The following PIGZ variants were observed in gnomAD, a reference collection of about 807,000 sequenced individuals.
PIGZ encodes the protein GPI alpha-1,2-mannosyltransferase 4.
In PIGZ, 16 loss-of-function variants were observed where a neutral mutation model predicts 16.4. That is an observed-to-expected ratio of 0.97 (90% CI 0.66 to 1.48). The LOEUF (loss-of-function observed/expected upper bound fraction) is 1.48, where lower values mean the gene tolerates loss of function less well. Ranked by LOEUF, PIGZ falls within the 40% of genes most tolerant of loss-of-function variation. PIGZ has a pLI of 0.00. For synonymous variants in PIGZ, 409 were observed against 338.4 expected (o/e 1.21, Z -2.29); for missense variants, 770 against 739.2 (o/e 1.04, Z -0.48).
chr3:196,964,231 A>G (rs1717836079), intron 1 of PIGZ, among the ~76,000 whole-genome samples: 1 of 151,612 alleles, frequency 6.6e-6, no homozygotes, highest in South Asian at 2.1e-4. Context: ...TTGCATTTTT[A>G]GTAGAGACGA....
intron 2 of PIGZ, among the ~76,000 whole-genome samples, chr3:196,949,031 T>TTCCCTCCCCCTCCCC (rs1717144687): frequency 2.2e-5 from 1 of 46,482 alleles, no homozygotes. Context: ...CTTCCCTTCC[T>TTCCCTCCCCCTCCCC]TCCCTTCCTT....
At chr3:196,966,657 A>ACGACCCC (rs1237905134) in intron 1 of PIGZ, among the ~76,000 whole-genome samples, 1 of 152,154 alleles carries the variant, frequency 6.6e-6, no homozygotes, top group Non-Finnish European at 1.5e-5. Flanking sequence ...GCTCCAGGGA[A>ACGACCCC]CGACCCCCGC....
Position 196,947,444 on chromosome 3 carries a change from C to G in PIGZ, c.1453G>C (p.Val485Leu). The change falls in exon 3 of 3, where the codon GTG becomes CTG. Residue 485 changes from valine (V) to leucine (L), a missense_variant. Physicochemically the swap from Val to Leu is conservative, Grantham distance 32 (BLOSUM62 1). Transcript: ENST00000412723. ...LPGLGAPVEV[V>L]DMGGTEDWAL... ...CAGTCCTCAGTCCCCCCCATGTCCACCACCTCCACTGGTGCCCCCAGGCCT... is the reference window on the plus strand; with the variant it reads ...CAGTCCTCAGTCCCCCCCATGTCCAGCACCTCCACTGGTGCCCCCAGGCCT... The G allele has an allele frequency of 1.2e-6, 2 of 1,613,710 alleles. No homozygotes were observed. The highest frequency in any genetic ancestry group is 1.7e-6 in the Non-Finnish European group (2 of 1,180,004).
chr3:196,948,458 G>A lies in PIGZ; in HGVS notation c.439C>T (p.Leu147=), dbSNP rs1717039181. The stretch of plus-strand genomic sequence containing the variant: ...CGATCCGCCCCCATCGGCGGGGCCA[G>A]GTGGTACACGGCCCCGTCCAGAGCA... ...SFALDGAVYH[L]APPMGADRWN... Residue 147 remains leucine (L), a synonymous_variant, in exon 3 of 3, where the codon CTG becomes TTG. Coordinates refer to ENST00000412723, the MANE Select transcript of PIGZ (RefSeq NM_025163.4). The A allele has an allele frequency of 6.2e-7, 1 of 1,613,914 alleles. No homozygotes were observed. Among genetic ancestry groups the A allele is most frequent in the Non-Finnish European group, 8.5e-7 (1 of 1,179,990 alleles).
rs1425932755 is a variant in PIGZ at position 196,965,300 on chromosome 3, G to T, written c.-1+3387C>A. The stretch of plus-strand genomic sequence containing the variant: ...GGCACCTCTTCACAAGGTGGCAAGA[G>T]AGAGTGTGAGTGGAGGAAATGACGG... On this transcript the variant is annotated intron_variant, in intron 1 of 2. Transcript: ENST00000412723. The surrounding 1 kb of genome is among the most constrained non-coding windows in gnomAD (Gnocchi z 4.2). Among the ~76,000 whole-genome samples the T allele has an allele frequency of 6.6e-6, 1 of 152,206 alleles. No homozygotes were observed. Among genetic ancestry groups the T allele is most frequent in the Non-Finnish European group, 1.5e-5 (1 of 68,042 alleles).
chr3:196,965,172 C>G lies in PIGZ; in HGVS notation c.-1+3515G>C, dbSNP rs1263018694. On this transcript the variant is annotated intron_variant, in intron 1 of 2. Coordinates refer to ENST00000412723, the MANE Select transcript of PIGZ (RefSeq NM_025163.4). The surrounding 1 kb of genome is among the most constrained non-coding windows in gnomAD (Gnocchi z 4.2). ...TTCTCACACTGCTATAAAGAACTGC[C>G]CAAGACTGGGCAATTTCTAAATAAA... Among the ~76,000 whole-genome samples, 1 of 152,210 alleles carries G rather than the reference C, an allele frequency of 6.6e-6. No individual in the cohort carries two copies. Among genetic ancestry groups the G allele is most frequent in the Non-Finnish European group, 1.5e-5 (1 of 68,044 alleles).
In PIGZ at chr3:196,947,180, C is replaced by T. The variant is rs1560176360; in HGVS notation, c.1717G>A (p.Val573Met). ...TGTCAGGTTTCTTCCCCCAGCTCCA[C>T]AATGTGAAGACTGAGGTGGTCCCTC... ...AWRDHLSLHI[V>M]ELGEET The change falls in exon 3 of 3, where the codon GTG becomes ATG. Residue 573 changes from valine (V) to methionine (M), a missense_variant. Physicochemically the swap from Val to Met is conservative, Grantham distance 21 (BLOSUM62 1). Transcript: ENST00000412723. 2 of 1,559,354 alleles carry T rather than the reference C, an allele frequency of 1.3e-6. No individual in the cohort carries two copies. Among genetic ancestry groups the T allele is most frequent in the Non-Finnish European group, 1.7e-6 (2 of 1,150,816 alleles).
intron 1 of PIGZ, among the ~76,000 whole-genome samples, chr3:196,960,135 A>T (rs1243998285): frequency 6.6e-6 from 1 of 152,228 alleles, no homozygotes; most frequent in Non-Finnish European, 1.5e-5. Context: ...GTGGCTTTAC[A>T]GTAGCCTGAC....
chr3:196,947,919 G>A lies in PIGZ; in HGVS notation c.978C>T (p.Phe326=), dbSNP rs201618738. 53 of 1,613,780 alleles carry A rather than the reference G, an allele frequency of 3.3e-5. No homozygotes were observed. Among genetic ancestry groups the A allele is most frequent in the East Asian group, 2.0e-4 (9 of 44,884 alleles). Residue 326 remains phenylalanine, a synonymous_variant, in exon 3 of 3, where the codon TTC becomes TTT. Coordinates refer to ENST00000412723, the MANE Select transcript of PIGZ (RefSeq NM_025163.4). The part of the protein sequence containing the change: ...THLAVNGFLL[F]GVLHAQALQA... ...GCAGGGCCTGGGCATGCAGCACCCC[G>A]AAGAGCAGGAAGCCGTTGACTGCCA... is the stretch of plus-strand genomic sequence containing the variant.
In PIGZ at chr3:196,947,178, C is replaced by T. The variant is rs116044596; in HGVS notation, c.1719G>A (p.Val573=). 1.8e-3 allele frequency: 2,840 copies of T among 1,557,306 alleles called. 51 individuals are homozygous for T. The African/African-American group carries it at 0.033, about 18-fold the overall frequency. The change falls in exon 3 of 3, where the codon GTG becomes GTA. Residue 573 remains valine, a synonymous_variant. Coordinates refer to ENST00000412723, the MANE Select transcript of PIGZ (RefSeq NM_025163.4). The part of the protein sequence containing the change: ...AWRDHLSLHI[V]ELGEET ...ATTGTCAGGTTTCTTCCCCCAGCTC[C>T]ACAATGTGAAGACTGAGGTGGTCCC...
chr3:196,946,940 C>T lies in PIGZ; in HGVS notation c.*217G>A. On this transcript the variant is annotated 3_prime_UTR_variant, in exon 3 of 3. Coordinates refer to ENST00000412723, the MANE Select transcript of PIGZ (RefSeq NM_025163.4). ...TTAACCTGGTCTTTGGGGACCTTGA[C>T]ATCAAGACCGACAGGTCAAATCTTT... 2.0e-6 allele frequency: 1 copy of T among 491,972 alleles called. No individual in the cohort carries two copies. Among genetic ancestry groups the T allele is most frequent in the South Asian group, 4.0e-5 (1 of 25,236 alleles). 30.5% of individuals were successfully genotyped at this position (491,972 alleles called of 1,614,324 possible).
intron 2 of PIGZ, among the ~76,000 whole-genome samples, chr3:196,949,041 T>TCC (rs1553836981): frequency 3.4e-5 from 2 of 58,660 alleles, no homozygotes; most frequent in East Asian, 1.4e-3. Flanking sequence ...TTCCCTTCCT[T>TCC]CCTTCCCTTC....
intron 1 of PIGZ, among the ~76,000 whole-genome samples, chr3:196,955,778 C>T (rs540111264): frequency 5.3e-5 from 8 of 151,868 alleles, no homozygotes; most frequent in South Asian, 4.2e-4. Flanking sequence ...GGGGTTTTGC[C>T]GTGTTGGCCA....
intron 1 of PIGZ, among the ~76,000 whole-genome samples, chr3:196,962,848 C>T (rs891323119): frequency 6.6e-6 from 1 of 152,234 alleles, no homozygotes; most frequent in African/African-American, 2.4e-5. Flanking sequence ...ATCCCCCTCA[C>T]TGAGATAGTA....
At chr3:196,956,792 A>G (rs1194331) in intron 1 of PIGZ, among the ~76,000 whole-genome samples, 106,930 of 151,990 alleles carry the variant, frequency 0.7, 37,891 homozygotes, top group East Asian at 0.81. Flanking sequence ...CATTTCTACA[A>G]GTTGTTTGAT....
In PIGZ at chr3:196,951,891, C is replaced by T. The variant is rs1335093306; in HGVS notation, c.141G>A (p.Leu47=). The stretch of plus-strand genomic sequence containing the variant: ...AGCCCGTCTGCGGAAGGAGACACCA[C>T]AGCACTCGGAGCAGGCTGAGACCAC... ...LWGGLSLLRV[L]WCLLPQTGYV... is the part of the protein sequence containing the mutation. The change falls in exon 2 of 3, where the codon CTG becomes CTA. Residue 47 remains leucine, a synonymous_variant. Coordinates refer to ENST00000412723, the MANE Select transcript of PIGZ (RefSeq NM_025163.4). The T allele has an allele frequency of 6.8e-6, 11 of 1,614,196 alleles. No homozygotes were observed. Among genetic ancestry groups the T allele is most frequent in the Non-Finnish European group, 7.6e-6 (9 of 1,180,042 alleles).
intron 1 of PIGZ, among the ~76,000 whole-genome samples, chr3:196,960,489 T>C (rs920976875): frequency 6.6e-6 from 1 of 151,920 alleles, no homozygotes; most frequent in Non-Finnish European, 1.5e-5. Flanking sequence ...CTGGCCAACA[T>C]GGTGAAACCC....
Position 196,947,132 on chromosome 3 carries a change from G to T in PIGZ, c.*25C>A. The T allele has an allele frequency of 6.6e-7, 1 of 1,525,550 alleles. No homozygotes were observed. Among genetic ancestry groups the T allele is most frequent in the South Asian group, 1.3e-5 (1 of 76,164 alleles). The allele number at this position is 1,525,550 out of a possible 1,614,324, so 94.5% of individuals were successfully genotyped here. On this transcript the variant is annotated 3_prime_UTR_variant, in exon 3 of 3. Transcript: ENST00000412723. ...GCGGCATCTTCTATGGCTGAGTCTT[G>T]GGCAGTGGGTGCTCTGTCATATTGT...
intron 1 of PIGZ, among the ~76,000 whole-genome samples, chr3:196,958,250 A>G (rs553251): frequency 0.097 from 14,815 of 152,162 alleles, 1,037 homozygotes; most frequent in Non-Finnish European, 0.13. Flanking sequence ...ATTCATAAAC[A>G]TAATACAAAA....
Sources: gnomAD v4.1 joint callset for allele counts (sites outside exome capture counted in the v4.1 genomes callset) on GRCh38, gnomAD v4.1.1 for gene constraint, Gnocchi (gnomAD v3.1) non-coding constraint, MANE v1.5 for transcripts, NCBI Gene and HGNC (gene_info 2026-07-23, HGNC 2026-07-21) for gene names.